CTHRC1: variants seen among roughly 807,000 people sequenced by gnomAD.
CTHRC1 encodes collagen triple helix repeat-containing protein 1.
Under a neutral mutation model 25.9 loss-of-function variants are expected in CTHRC1, and 21 were observed. That is an observed-to-expected ratio of 0.81 (90% CI 0.57 to 1.17). The LOEUF (loss-of-function observed/expected upper bound fraction) is 1.17, where lower values mean the gene tolerates loss of function less well. Ranked by LOEUF, CTHRC1 falls within the 50% of genes most tolerant of loss-of-function variation. CTHRC1 has a pLI of 0.00. For missense variants in CTHRC1, 281 were observed against 304.3 expected, an observed-to-expected ratio of 0.92 and a Z score of 0.57; for synonymous variants, 109 against 113.1, an observed-to-expected ratio of 0.96 and a Z score of 0.23.
chr8:103,379,175 G>A (rs2687358), intron 3 of CTHRC1, among the ~76,000 whole-genome samples: 130,685 of 152,252 alleles, frequency 0.86, 56,183 homozygotes, highest in Middle Eastern at 0.91. Flanking sequence ...CTAGTATGAG[G>A]AAAAGACATT....
intron 3 of CTHRC1, among the ~76,000 whole-genome samples, chr8:103,380,961 T>C (rs1404705176): frequency 1.3e-5 from 2 of 152,188 alleles, no homozygotes; most frequent in African/African-American, 4.8e-5. Context: ...ACTCCTGTGA[T>C]AGTTTATGTA....
At chr8:103,376,193 C>T (rs1246913082) in intron 2 of CTHRC1, 1 of 586,366 alleles carries the variant, frequency 1.7e-6, no homozygotes, top group East Asian at 2.8e-5. Flanking sequence ...AAATAACATA[C>T]TTTTTAAAAA....
Position 103,371,551 on chromosome 8 carries a change from A to T in CTHRC1, c.-106A>T. 7.9e-7 allele frequency: 1 copy of T among 1,260,598 alleles called. No individual in the cohort carries two copies. Among genetic ancestry groups the T allele is most frequent in the Admixed American group, 2.3e-5 (1 of 43,540 alleles). 78.1% of individuals were successfully genotyped at this position (1,260,598 alleles called of 1,614,324 possible). On this transcript the variant is annotated 5_prime_UTR_variant, in exon 1 of 4. An upstream start codon of the reference 5' UTR is lost. Coordinates refer to ENST00000330295, the MANE Select transcript of CTHRC1 (RefSeq NM_138455.4). ...AGGCGCGCGGGTGAAAGGCGCATTGATGCAGCCTGCGGCGGCCTCGGAGCG... is the reference window on the plus strand; with the variant it reads ...AGGCGCGCGGGTGAAAGGCGCATTGTTGCAGCCTGCGGCGGCCTCGGAGCG...
intron 2 of CTHRC1, among the ~76,000 whole-genome samples, chr8:103,376,946 C>T (rs369962489): frequency 5.3e-5 from 8 of 152,304 alleles, no homozygotes; most frequent in African/African-American, 1.9e-4. Context: ...GTTATTTAAA[C>T]ATCTGACATT....
chr8:103,371,729 C>T lies in CTHRC1; in HGVS notation c.73C>T (p.Pro25Ser). The T allele has an allele frequency of 1.3e-6, 2 of 1,535,794 alleles. No individual in the cohort carries two copies. Among genetic ancestry groups the T allele is most frequent in the Non-Finnish European group, 1.8e-6 (2 of 1,141,792 alleles). The stretch of plus-strand genomic sequence containing the variant: ...CCTGCTGCTCCTGCTGCTGCAGCTG[C>T]CCGCGCCGTCGAGCGCCTCTGAGAT... The part of the protein sequence containing the change: ...GLLLLLLLQL[P>S]APSSASEIPK... The change falls in exon 1 of 4, where the codon CCC (proline) becomes TCC (serine). Residue 25 changes from proline (P) to serine (S), a missense_variant. Pro to Ser is a moderately conservative substitution (Grantham distance 74). Transcript: ENST00000330295.
chr8:103,371,905 T>A, intron 1 of CTHRC1, 99 bp downstream of exon 1: 1 of 1,208,032 alleles, frequency 8.3e-7, no homozygotes, highest in Non-Finnish European at 1.1e-6. Flanking sequence ...TGGGGGTGTC[T>A]GTCTGTACAG....
rs1201983743 is a variant in CTHRC1 at position 103,378,135 on chromosome 8, T to A, written c.481T>A (p.Phe161Ile). 6.2e-7 allele frequency: 1 copy of A among 1,614,208 alleles called. No individual in the cohort carries two copies. The highest frequency in any genetic ancestry group is 1.7e-5 in the Admixed American group (1 of 60,024). Residue 161 changes from phenylalanine to isoleucine, a missense_variant, in exon 3 of 4, where the codon TTC (phenylalanine) becomes ATC (isoleucine). Phe to Ile is a conservative substitution (Grantham distance 21). Transcript: ENST00000330295. ...NACCQRWYFT[F>I]NGAECSGPLP... is the part of the protein sequence containing the mutation. ...ATGCTGTCAGCGTTGGTATTTCACA[T>A]TCAATGGAGCTGAATGTTCAGGACC...
At chr8:103,378,714 T>C (rs376133730) in intron 3 of CTHRC1, among the ~76,000 whole-genome samples, 8 of 152,268 alleles carry the variant, frequency 5.3e-5, no homozygotes, top group African/African-American at 1.9e-4. Flanking sequence ...GCAATGGGAC[T>C]TTCGAAGTAT....
At chr8:103,371,876 A>AGGGCGTCAGTCTGGCTGTTGG (rs1815711254) in intron 1 of CTHRC1, 70 bp downstream of exon 1, 1 of 1,414,478 alleles carries the variant, frequency 7.1e-7, no homozygotes, top group African/African-American at 1.5e-5. Flanking sequence ...CCCCACGGGC[A>AGGGCGTCAGTCTGGCTGTTGG]GGGCGTCAGT....
In CTHRC1 at chr8:103,375,865, G is replaced by A. The variant is rs1258559018; in HGVS notation, c.278G>A (p.Cys93Tyr). 1.2e-6 allele frequency: 2 copies of A among 1,614,028 alleles called. No homozygotes were observed. The highest frequency in any genetic ancestry group is 2.7e-5 in the African/African-American group (2 of 74,920). ...GGATTCAAAGGAGAAAAGGGGGAAT[G>A]TCTGAGGGAAAGCTTTGAGGAGTCC... is the stretch of plus-strand genomic sequence containing the variant. ...RDGFKGEKGE[C>Y]LRESFEESWT... The change falls in exon 2 of 4, where the codon TGT becomes TAT. Residue 93 changes from cysteine to tyrosine, a missense_variant. Physicochemically the swap from Cys to Tyr is radical, Grantham distance 194. Transcript: ENST00000330295.
chr8:103,376,668 A>G lies in CTHRC1; in HGVS notation c.372+709A>G, dbSNP rs147533472. 8.5e-5 allele frequency among the ~76,000 whole-genome samples: 13 copies of G among 152,360 alleles called. No individual in the cohort carries two copies. In the East Asian group the frequency reaches 2.5e-3, roughly 29 times the overall value. On this transcript the variant is annotated intron_variant, in intron 2 of 3. Coordinates refer to ENST00000330295, the MANE Select transcript of CTHRC1 (RefSeq NM_138455.4). ...TTTTCTCTGTTGATGAACTCTGTACATGGTTCCATATTCACAACATATTAC... is the reference window on the plus strand; with the variant it reads ...TTTTCTCTGTTGATGAACTCTGTACGTGGTTCCATATTCACAACATATTAC...
At chr8:103,375,397 A>C (rs1484482830) in intron 1 of CTHRC1, among the ~76,000 whole-genome samples, 1 of 152,218 alleles carries the variant, frequency 6.6e-6, no homozygotes, top group Non-Finnish European at 1.5e-5. Flanking sequence ...ACAGAGTTAG[A>C]AGAAAAAAGC....
chr8:103,375,782 A>G lies in CTHRC1; in HGVS notation c.195A>G (p.Arg65=), dbSNP rs113614259. 20 of 1,614,126 alleles carry G rather than the reference A, an allele frequency of 1.2e-5. No homozygotes were observed. Among genetic ancestry groups the G allele is most frequent in the African/African-American group, 6.7e-5 (5 of 75,020 alleles). ...CLQGPAGVPG[R]DGSPGANGIP... ...AAGGGCCAGCAGGAGTGCCTGGTCG[A>G]GACGGGAGCCCTGGGGCCAATGGCA... is the stretch of plus-strand genomic sequence containing the variant. The change falls in exon 2 of 4, where the codon CGA becomes CGG. Residue 65 remains arginine, a synonymous_variant. Transcript: ENST00000330295.
At chr8:103,374,716 A>G (rs924981448) in intron 1 of CTHRC1, among the ~76,000 whole-genome samples, 2 of 152,236 alleles carry the variant, frequency 1.3e-5, no homozygotes, top group African/African-American at 4.8e-5. Context: ...TGGCTGACAC[A>G]TACAGTGTTT....
intron 3 of CTHRC1, among the ~76,000 whole-genome samples, chr8:103,379,148 C>G (rs1815860743): frequency 5.3e-5 from 8 of 152,206 alleles, no homozygotes. Flanking sequence ...TATACTGTTT[C>G]TGTATTCTGT....
At chr8:103,381,489 T>A (rs1007013931) in intron 3 of CTHRC1, among the ~76,000 whole-genome samples, 2 of 8,086 alleles carry the variant, frequency 2.5e-4, no homozygotes, top group Admixed American at 1.1e-3. Flanking sequence ...AGAGAAGACT[T>A]TGGTAAGATG....
At chr8:103,378,498 A>G (rs1815849215) in intron 3 of CTHRC1, among the ~76,000 whole-genome samples, 1 of 152,220 alleles carries the variant, frequency 6.6e-6, no homozygotes, top group Non-Finnish European at 1.5e-5. Flanking sequence ...GTTTTTTAAA[A>G]GATCCCCTGG....
rs1330465453 is a variant in CTHRC1, at chr8:103,378,741, C to T, written c.589+498C>T. Among the ~76,000 whole-genome samples, 4 of 152,104 alleles carry T rather than the reference C, an allele frequency of 2.6e-5. No homozygotes were observed. In the South Asian group the frequency reaches 6.2e-4, roughly 24 times the overall value. On this transcript the variant is annotated intron_variant, in intron 3 of 3. Coordinates refer to ENST00000330295, the MANE Select transcript of CTHRC1 (RefSeq NM_138455.4). Reference sequence around the variant, plus strand: ...TCGAAGTATCTCTTGGTAGGCTGGGCGTGGTAGCTCACACCTGTAATCCCA... The same window carrying T: ...TCGAAGTATCTCTTGGTAGGCTGGGTGTGGTAGCTCACACCTGTAATCCCA...
At chr8:103,376,637 A>C (rs1815811406) in intron 2 of CTHRC1, among the ~76,000 whole-genome samples, 1 of 152,206 alleles carries the variant, frequency 6.6e-6, no homozygotes, top group Non-Finnish European at 1.5e-5. Flanking sequence ...GCTATTTATA[A>C]GCCTCTTTTC....
Sources: gnomAD v4.1 joint callset for allele counts (sites outside exome capture counted in the v4.1 genomes callset) on GRCh38, gnomAD v4.1.1 for gene constraint, MANE v1.5 for transcripts, NCBI Gene and HGNC (gene_info 2026-07-23, HGNC 2026-07-21) for gene names.